The following SIPA1L3 variants were observed in gnomAD, a reference collection of about 807,000 sequenced individuals.
SIPA1L3 encodes the protein signal-induced proliferation-associated 1-like protein 3.
A neutral mutation model predicts 150.1 loss-of-function variants in SIPA1L3; 59 were observed. The ratio of observed to expected loss-of-function variants is 0.39; its 90% CI spans 0.32 to 0.49. The LOEUF (loss-of-function observed/expected upper bound fraction) is 0.49, where lower values mean the gene tolerates loss of function less well. Ranked by LOEUF, SIPA1L3 falls within the 20% of genes least tolerant of loss-of-function variation. SIPA1L3 has a pLI of 0.86. For missense variants in SIPA1L3, 2,211 were observed against 2,489.5 expected (o/e 0.89, Z 2.38); for synonymous variants, 1,070 against 1,077.6 (o/e 0.99, Z 0.14).
chr19:38,104,991 C>CA (rs1568552342), intron 6 of SIPA1L3, among the ~76,000 whole-genome samples: 1 of 152,144 alleles, frequency 6.6e-6, no homozygotes, highest in East Asian at 1.9e-4. Flanking sequence ...CGGCTCCCAA[C>CA]CTGGCTCTGG....
intron 8 of SIPA1L3, among the ~76,000 whole-genome samples, chr19:38,115,108 G>A (rs186883040): frequency 9.8e-5 from 15 of 152,346 alleles, no homozygotes; most frequent in Admixed American, 9.2e-4. Flanking sequence ...ACTAGCCAGA[G>A]CAGGAACCTT....
chr19:38,061,996 G>A (rs1198735304), intron 2 of SIPA1L3, among the ~76,000 whole-genome samples: 1 of 151,730 alleles, frequency 6.6e-6, no homozygotes, highest in East Asian at 1.9e-4. Flanking sequence ...TTTGGGTGTT[G>A]GATTGCTGCT....
At chr19:38,023,378 T>C (rs1186191405) in intron 1 of SIPA1L3, among the ~76,000 whole-genome samples, 1 of 152,220 alleles carries the variant, frequency 6.6e-6, no homozygotes, top group Non-Finnish European at 1.5e-5. Context: ...TATTGTGTGC[T>C]ATTAATAGAA....
chr19:37,927,746 G>A (rs77803561), intron 1 of SIPA1L3, among the ~76,000 whole-genome samples: 3,845 of 151,644 alleles, frequency 0.025, 165 homozygotes, highest in African/African-American at 0.087. Flanking sequence ...GTGTGTGTGT[G>A]TACGTGTACG....
intron 1 of SIPA1L3, among the ~76,000 whole-genome samples, chr19:38,003,778 CTG>C (rs1333938487): frequency 6.6e-6 from 1 of 152,184 alleles, no homozygotes; most frequent in African/African-American, 2.4e-5. Flanking sequence ...GTGCCCCAGC[CTG>C]TGTTTTGAAA....
In SIPA1L3 at chr19:38,162,303, A is replaced by G. The variant is rs1268804287; in HGVS notation, c.3712A>G (p.Ser1238Gly). 1 of 1,614,146 alleles carries G rather than the reference A, an allele frequency of 6.2e-7. No individual in the cohort carries two copies. The highest frequency in any genetic ancestry group is 8.5e-7 in the Non-Finnish European group (1 of 1,180,056). ...AQARLSAIAG[S>G]SGNKHPSRQD... is the part of the protein sequence containing the mutation. ...GGCCAGGCTCTCAGCCATAGCCGGA[A>G]GCAGCGGGAACAAGCACCCGTCCAG... The change falls in exon 14 of 22, where the codon AGC becomes GGC. Residue 1238 changes from serine (S) to glycine (G), a missense_variant. Physicochemically the swap from Ser to Gly is moderately conservative, Grantham distance 56. Around this residue, in one of 5 missense-constraint regions of SIPA1L3, gnomAD observed 806 missense variants for 870.1 expected, o/e 0.93. Coordinates refer to ENST00000222345, the MANE Select transcript of SIPA1L3 (RefSeq NM_015073.3).
At chr19:38,028,775 C>T (rs1968574587) in intron 1 of SIPA1L3, among the ~76,000 whole-genome samples, 1 of 151,790 alleles carries the variant, frequency 6.6e-6, no homozygotes. Context: ...TCATTGCAAC[C>T]TCCACCTCCC....
intron 1 of SIPA1L3, among the ~76,000 whole-genome samples, chr19:37,967,958 C>T (rs1299891282): frequency 7.2e-6 from 1 of 138,504 alleles, no homozygotes; most frequent in Non-Finnish European, 1.7e-5. Context: ...GGCGCCCAGC[C>T]ACTTACGTTA....
At chr19:37,917,237 A>G (rs1181180313) in intron 1 of SIPA1L3, among the ~76,000 whole-genome samples, 1 of 152,180 alleles carries the variant, frequency 6.6e-6, no homozygotes, top group East Asian at 1.9e-4. Flanking sequence ...CGGTGGCTAC[A>G]TGTGGCTAAT....
intron 15 of SIPA1L3, among the ~76,000 whole-genome samples, chr19:38,174,342 T>C (rs1412448081): frequency 6.6e-6 from 1 of 152,080 alleles, no homozygotes; most frequent in Non-Finnish European, 1.5e-5. Context: ...CTCCAGCCCA[T>C]GACACACGTC....
At chr19:38,185,070 T>G (rs969206290) in intron 16 of SIPA1L3, 6 of 152,610 alleles carry the variant, frequency 3.9e-5, no homozygotes, top group Admixed American at 3.9e-4. Context: ...CTGCCTCCAG[T>G]GAGCTCCCTC....
chr19:37,913,848 C>T (rs1314987706), intron 1 of SIPA1L3, among the ~76,000 whole-genome samples: 5 of 151,388 alleles, frequency 3.3e-5, no homozygotes, highest in South Asian at 2.1e-4. Flanking sequence ...AACCCCGTCT[C>T]TACTAAAAAT....
At chr19:38,093,005 T>A (rs532435882) in intron 4 of SIPA1L3, among the ~76,000 whole-genome samples, 2 of 151,716 alleles carry the variant, frequency 1.3e-5, no homozygotes, top group East Asian at 1.9e-4. Context: ...GACTACAGGC[T>A]CCCACTACCA....
chr19:37,985,963 G>A (rs1967340289), intron 1 of SIPA1L3, among the ~76,000 whole-genome samples: 1 of 152,242 alleles, frequency 6.6e-6, no homozygotes, highest in African/African-American at 2.4e-5. Flanking sequence ...GCCGTCATGC[G>A]AGCAAAGCGG....
chr19:37,984,271 A>G (rs377362604), intron 1 of SIPA1L3, among the ~76,000 whole-genome samples: 31 of 152,318 alleles, frequency 2.0e-4, no homozygotes, highest in African/African-American at 5.8e-4. Context: ...CACTCTGAGT[A>G]TAGAATAGAG....
At chr19:38,196,723 G>A (rs1358972124) in intron 18 of SIPA1L3, among the ~76,000 whole-genome samples, 3 of 149,130 alleles carry the variant, frequency 2.0e-5, no homozygotes, top group Non-Finnish European at 3.0e-5. Flanking sequence ...GAGGAACATA[G>A]AGTCAAGGGC....
intron 1 of SIPA1L3, among the ~76,000 whole-genome samples, chr19:37,920,552 T>G (rs1215300474): frequency 6.6e-6 from 1 of 152,218 alleles, no homozygotes; most frequent in African/African-American, 2.4e-5. Flanking sequence ...CTTATTATAC[T>G]CTTTTTTTGC....
intron 1 of SIPA1L3, among the ~76,000 whole-genome samples, chr19:37,982,074 G>A (rs1056660087): frequency 2.4e-4 from 37 of 152,156 alleles, no homozygotes; most frequent in African/African-American, 8.9e-4. Flanking sequence ...CAAAACAGCC[G>A]GACTCCCAAC....
intron 1 of SIPA1L3, among the ~76,000 whole-genome samples, chr19:37,954,954 G>C (rs2046796379): frequency 6.6e-6 from 1 of 151,962 alleles, no homozygotes; most frequent in Non-Finnish European, 1.5e-5. Context: ...AGGCATTGTG[G>C]TGCATGCCTG....
Sources: gnomAD v4.1 joint callset for allele counts (sites outside exome capture counted in the v4.1 genomes callset) on GRCh38, gnomAD v4.1.1 for gene constraint, gnomAD v4.1.1 regional missense constraint, MANE v1.5 for transcripts, NCBI Gene and HGNC (gene_info 2026-07-23, HGNC 2026-07-21) for gene names.